Variants in DGKK observed in about 807,000 individuals in gnomAD.
DGKK encodes diacylglycerol kinase kappa.
DGKK carries 35 observed loss-of-function variants against 92.2 expected under a neutral mutation model. That is an observed-to-expected ratio of 0.38 (90% CI 0.29 to 0.50). The LOEUF (loss-of-function observed/expected upper bound fraction) is 0.50. Among genes scored for constraint, DGKK ranks in the 20% least tolerant of loss-of-function variants. The pLI is 0.92. For missense variants in DGKK, 910 were observed against 992.2 expected (o/e 0.92, Z 1.11); for synonymous variants, 368 against 360.6 (o/e 1.02, Z -0.23).
chrX:50,464,682 TTTTG>T (rs1557233798), intron 1 of DGKK, among the ~76,000 whole-genome samples: 1 of 111,198 alleles, frequency 9.0e-6, no homozygotes. Context: ...CTTTTTTCAA[TTTTG>T]TTTGTTTTTT....
chrX:50,397,499 G>A (rs1557226223), intron 8 of DGKK, among the ~76,000 whole-genome samples: 11 of 111,825 alleles, frequency 9.8e-5, no homozygotes, highest in Non-Finnish European at 1.9e-5. Flanking sequence ...ATGATAGAGT[G>A]TGTTTCTAGG....
Position 50,384,701 on chromosome X carries a change from A to G in DGKK, c.2452+19T>C, listed in dbSNP as rs1198636349. Reference sequence around the variant, plus strand: ...GTGACGAAGGCTAGAATAAGGGAAGAAGACAGAAAGATCCTTACGGCGTCG... The same window carrying G: ...GTGACGAAGGCTAGAATAAGGGAAGGAGACAGAAAGATCCTTACGGCGTCG... On this transcript the variant is annotated intron_variant, in intron 16 of 27. Transcript: ENST00000611977. The G allele has an allele frequency of 8.5e-7, 1 of 1,180,657 alleles. No homozygotes were observed. Among genetic ancestry groups the G allele is most frequent in the Non-Finnish European group, 1.1e-6 (1 of 871,347 alleles).
At chrX:50,463,952 C>A (rs1292172528) in intron 1 of DGKK, among the ~76,000 whole-genome samples, 1 of 109,997 alleles carries the variant, frequency 9.1e-6, no homozygotes, top group South Asian at 3.8e-4. Context: ...AAGAATAAAT[C>A]TTTTGGTAAA....
intron 25 of DGKK, among the ~76,000 whole-genome samples, chrX:50,372,622 G>C (rs1409167258): frequency 5.4e-5 from 6 of 111,725 alleles, no homozygotes; most frequent in African/African-American, 2.0e-4. Context: ...ACAGGTTCAG[G>C]AAGCAAATTT....
chrX:50,378,092 C>T lies in DGKK; in HGVS notation c.3111+6G>A, dbSNP rs1417466883. 4 of 1,204,549 alleles carry T rather than the reference C, an allele frequency of 3.3e-6. No homozygotes were observed. The highest frequency in any genetic ancestry group is 4.5e-6 in the Non-Finnish European group (4 of 893,043). ...TAGGAGCCCAAGACAAGATTTTCCC[C>T]CTTACCCGATCTCTTGTCAGCATCT... On this transcript the variant is annotated splice_donor_region_variant and intron_variant, in intron 22 of 27. Transcript: ENST00000611977.
intron 1 of DGKK, among the ~76,000 whole-genome samples, chrX:50,429,757 A>G (rs1161513740): frequency 8.9e-6 from 1 of 112,617 alleles, no homozygotes; most frequent in Non-Finnish European, 1.9e-5. Context: ...AGCTTCCCTC[A>G]AAGTGGCAAA....
chrX:50,414,226 G>A (rs1925372194), intron 4 of DGKK, among the ~76,000 whole-genome samples: 1 of 111,496 alleles, frequency 9.0e-6, no homozygotes, highest in South Asian at 3.8e-4. Context: ...ATATCAAAGG[G>A]TACAAAGTTT....
chrX:50,420,728 C>G (rs1343194367), intron 3 of DGKK, among the ~76,000 whole-genome samples: 3 of 112,156 alleles, frequency 2.7e-5, no homozygotes, highest in Non-Finnish European at 3.8e-5. Flanking sequence ...ATGCCACTCA[C>G]TATGTGCCAA....
chrX:50,372,781 A>C (rs1245384021), intron 25 of DGKK, among the ~76,000 whole-genome samples: 1 of 112,524 alleles, frequency 8.9e-6, no homozygotes, highest in Non-Finnish European at 1.9e-5. Flanking sequence ...CATTCCAGTA[A>C]GTAGTGAGCT....
At chrX:50,450,459 C>T (rs1270769693) in intron 1 of DGKK, among the ~76,000 whole-genome samples, 2 of 111,959 alleles carry the variant, frequency 1.8e-5, no homozygotes, top group Admixed American at 1.9e-4. Context: ...GGCAGCTTTC[C>T]ACTGTATACA....
intron 12 of DGKK, among the ~76,000 whole-genome samples, 185 bp from the exon 13 acceptor site, chrX:50,388,803 C>T (rs781866564): frequency 3.6e-5 from 4 of 111,690 alleles, no homozygotes; most frequent in South Asian, 3.7e-4. Flanking sequence ...TAGATCTATG[C>T]GTATTCTAAA....
chrX:50,388,439 C>A, intron 13 of DGKK, 88 bp downstream of exon 13: 1 of 632,089 alleles, frequency 1.6e-6, no homozygotes, highest in Non-Finnish European at 2.5e-6. Context: ...ATGTATTTTC[C>A]TTGGCCTCAA....
rs782303643 is a variant in DGKK, at chrX:50,470,408, A to G, written c.271T>C (p.Ser91Pro). 9.1e-6 allele frequency: 11 copies of G among 1,202,597 alleles called. No homozygotes were observed. Among genetic ancestry groups the G allele is most frequent in the African/African-American group, 1.8e-5 (1 of 55,788 alleles). ...GTGGCAGGTTCTGGGGCCGGTTCTG[A>G]GGCCGGCTCTGTGGCTGGTTCTGGG... ...PTPEPATEPASEPAPEPATEP... is the reference protein window; with the variant it reads ...PTPEPATEPAPEPAPEPATEP... Residue 91 changes from serine (S) to proline (P), a missense_variant, in exon 1 of 28, where the codon TCA becomes CCA. Coordinates refer to ENST00000611977, the MANE Select transcript of DGKK (RefSeq NM_001013742.4).
At chrX:50,433,482 TA>T (rs1925942104) in intron 1 of DGKK, among the ~76,000 whole-genome samples, 1 of 111,326 alleles carries the variant, frequency 9.0e-6, no homozygotes, top group Non-Finnish European at 1.9e-5. Flanking sequence ...CCTCTTGGAA[TA>T]TGTGCACAGT....
At chrX:50,379,315 C>CA (rs1214871132) in intron 20 of DGKK, among the ~76,000 whole-genome samples, 2,127 of 38,187 alleles carry the variant, frequency 0.056, 89 homozygotes, top group African/African-American at 0.12. Context: ...GACTCCGTTT[C>CA]AAAAAAAAAA....
intron 1 of DGKK, among the ~76,000 whole-genome samples, chrX:50,433,679 A>G (rs1925948780): frequency 9.0e-6 from 1 of 111,664 alleles, no homozygotes; most frequent in Non-Finnish European, 1.9e-5. Context: ...GGGAAGACTC[A>G]AAGTTCTGAG....
chrX:50,464,906 C>G (rs1202957207), intron 1 of DGKK, among the ~76,000 whole-genome samples: 2 of 111,018 alleles, frequency 1.8e-5, no homozygotes, highest in Non-Finnish European at 3.8e-5. Flanking sequence ...CAAAAGAAAC[C>G]CTGTACTCTT....
Position 50,425,515 on chromosome X carries a change from G to C in DGKK, c.646-1157C>G, listed in dbSNP as rs147709128. Among the ~76,000 whole-genome samples the C allele has an allele frequency of 8.8e-3, 956 of 109,176 alleles. 6 individuals are homozygous for C. Among genetic ancestry groups the C allele is most frequent in the Middle Eastern group, 0.041 (9 of 218 alleles). 94.8% of individuals were successfully genotyped at this position (109,176 alleles called of 115,157 possible). On this transcript the variant is annotated intron_variant, in intron 1 of 27. Transcript: ENST00000611977. ...ATCTAAACAGTTATTTGCCATTCCT[G>C]TTCTCCCAAATACACACACACACAC...
At position 50,378,100 on chromosome X, in the gene DGKK, G is replaced by A. The variant is rs782232470; in HGVS notation, c.3109C>T (p.Arg1037Trp). Residue 1037 changes from arginine to tryptophan, a missense_variant and splice_region_variant, in exon 22 of 28, where the codon CGG becomes TGG. Coordinates refer to ENST00000611977, the MANE Select transcript of DGKK (RefSeq NM_001013742.4). ...KNAAQMLTRDRDFENSMKMWE... is the reference protein window; with the variant it reads ...KNAAQMLTRDWDFENSMKMWE... ...CAAGACAAGATTTTCCCCCTTACCC[G>A]ATCTCTTGTCAGCATCTGGGCAGCG... 4.1e-6 allele frequency: 5 copies of A among 1,205,387 alleles called. No homozygotes were observed. The Admixed American group carries it at 8.9e-5, about 21-fold the overall frequency.
Sources: gnomAD v4.1 joint callset for allele counts (sites outside exome capture counted in the v4.1 genomes callset) on GRCh38, gnomAD v4.1.1 for gene constraint, MANE v1.5 for transcripts, NCBI Gene and HGNC (gene_info 2026-07-23, HGNC 2026-07-21) for gene names.